TBC1D16: variants seen among roughly 807,000 people sequenced by gnomAD.
The protein encoded by TBC1D16 is TBC1 domain family member 16, also known as CTD-2529O21.1.
A neutral mutation model predicts 74.7 loss-of-function variants in TBC1D16; 58 were observed. The observed-to-expected ratio is 0.78, with a 90% CI of 0.63 to 0.97. The LOEUF (loss-of-function observed/expected upper bound fraction) is 0.97. TBC1D16 is among the 50% of genes least tolerant of loss of function. TBC1D16 has a pLI of 0.00. For missense variants in TBC1D16, 1,014 were observed against 1,079.5 expected (o/e 0.94, Z 0.85); for synonymous variants, 493 against 474.7 (o/e 1.04, Z -0.50).
rs1431027112 is a variant in TBC1D16, at chr17:79,986,506, G to A, written c.779+23654C>T. Among the ~76,000 whole-genome samples, 1 of 152,150 alleles carries A rather than the reference G, an allele frequency of 6.6e-6. No homozygotes were observed. Among genetic ancestry groups the A allele is most frequent in the Non-Finnish European group, 1.5e-5 (1 of 68,034 alleles). On this transcript the variant is annotated intron_variant, in intron 3 of 11. Coordinates refer to ENST00000310924, the MANE Select transcript of TBC1D16 (RefSeq NM_019020.4). This position sits in a 1 kb window ranked among gnomAD's most constrained non-coding sequence, Gnocchi z 6.0. ...CCCTCCCTGCAGAGCAACCACGTGA[G>A]GACTCCCTACCCCAGGACCTTCCAC...
chr17:79,982,838 G>A (rs565198665), intron 3 of TBC1D16, among the ~76,000 whole-genome samples: 241 of 152,242 alleles, frequency 1.6e-3, no homozygotes, highest in Non-Finnish European at 2.9e-3. Context: ...CAGCCTGGGC[G>A]ACAGAGCAAG....
intron 2 of TBC1D16, among the ~76,000 whole-genome samples, chr17:80,011,884 G>A (rs1435987864): frequency 6.6e-6 from 1 of 152,094 alleles, no homozygotes; most frequent in Non-Finnish European, 1.5e-5. Flanking sequence ...CCAATCATCA[G>A]TGGCACTCAT....
At chr17:80,025,347 CG>C (rs5822320) in intron 1 of TBC1D16, among the ~76,000 whole-genome samples, 146,774 of 149,332 alleles carry the variant, frequency 0.98, 72,274 homozygotes, top group Non-Finnish European at 0.99. Context: ...CAGGCGGATC[CG>C]GGGCCGCAGG....
At chr17:80,003,892 A>G (rs1443245582) in intron 3 of TBC1D16, among the ~76,000 whole-genome samples, 3 of 152,186 alleles carry the variant, frequency 2.0e-5, no homozygotes, top group African/African-American at 7.2e-5. Context: ...TCTAAAAAAT[A>G]AAATAAATGA....
rs2031464150 is a variant in TBC1D16 at position 79,934,571 on chromosome 17, C to T, written c.*6288G>A. 1.3e-5 allele frequency: 2 copies of T among 152,254 alleles called. No homozygotes were observed. The highest frequency in any genetic ancestry group is 1.3e-4 in the Admixed American group (2 of 15,290). 9.4% of individuals were successfully genotyped at this position (152,254 alleles called of 1,614,324 possible). A position where few individuals can be genotyped will look rare whatever the true frequency, so the allele number is the denominator to read the frequency against. The stretch of plus-strand genomic sequence containing the variant: ...GGACAAAGATTTCTTTAAACGGAGC[C>T]ACCAGCCATGCCTGGTAGTGGGTGC... On this transcript the variant is annotated 3_prime_UTR_variant, in exon 12 of 12. Transcript: ENST00000310924.
Position 80,009,279 on chromosome 17 carries a change from A to G in TBC1D16, c.779+881T>C, listed in dbSNP as rs963887100. 3.9e-5 allele frequency among the ~76,000 whole-genome samples: 6 copies of G among 152,190 alleles called. No individual in the cohort carries two copies. The highest frequency in any genetic ancestry group is 1.4e-4 in the African/African-American group (6 of 41,460). On this transcript the variant is annotated intron_variant, in intron 3 of 11. Transcript: ENST00000310924. This position sits in a 1 kb window ranked among gnomAD's most constrained non-coding sequence, Gnocchi z 5.4. The stretch of plus-strand genomic sequence containing the variant: ...CCATTATTTGCCCAGAAATCTAATG[A>G]GCGTAAGGACCACAGCCGGGGCATA...
chr17:79,983,234 G>A lies in TBC1D16; in HGVS notation c.779+26926C>T, dbSNP rs2034665351. 6.6e-6 allele frequency among the ~76,000 whole-genome samples: 1 copy of A among 152,214 alleles called. No homozygotes were observed. The highest frequency in any genetic ancestry group is 2.1e-4 in the South Asian group (1 of 4,832). The stretch of plus-strand genomic sequence containing the variant: ...GCAGCGCGGGAGGGGTTTATGGCAG[G>A]GCATGAATTGAGAATGGCAAGACAG... On this transcript the variant is annotated intron_variant, in intron 3 of 11. Transcript: ENST00000310924. The surrounding 1 kb of genome is among the most constrained non-coding windows in gnomAD (Gnocchi z 5.6).
chr17:80,013,611 TG>T lies in TBC1D16; in HGVS notation c.-62-3del. The T allele has an allele frequency of 2.1e-6, 3 of 1,425,696 alleles. No homozygotes were observed. The highest frequency in any genetic ancestry group is 9.3e-7 in the Non-Finnish European group (1 of 1,077,014). 88.3% of individuals were successfully genotyped at this position (1,425,696 alleles called of 1,614,324 possible). A position where few individuals can be genotyped will look rare whatever the true frequency, so the allele number is the denominator to read the frequency against. ...CGGGCAGGGCTCGTCAAGACCTGCC[TG>T]GGGGAGGAAGAGAGAGGAGATGGTC... On this transcript the variant is annotated splice_polypyrimidine_tract_variant and splice_region_variant and intron_variant, in intron 1 of 11. Coordinates refer to ENST00000310924, the MANE Select transcript of TBC1D16 (RefSeq NM_019020.4).
rs1021637928 is a variant in TBC1D16 at position 79,975,080 on chromosome 17, G to A, written c.780-22262C>T. Among the ~76,000 whole-genome samples, 3 of 152,226 alleles carry A rather than the reference G, an allele frequency of 2.0e-5. No individual in the cohort carries two copies. The highest frequency in any genetic ancestry group is 7.2e-5 in the African/African-American group (3 of 41,458). On this transcript the variant is annotated intron_variant, in intron 3 of 11. Coordinates refer to ENST00000310924, the MANE Select transcript of TBC1D16 (RefSeq NM_019020.4). The surrounding 1 kb of genome is among the most constrained non-coding windows in gnomAD (Gnocchi z 4.5). ...CCTCGCCATGCCGTCCCCACTGCCA[G>A]TGGGCGCAACGTTACTTGCAAGGCC...
intron 3 of TBC1D16, among the ~76,000 whole-genome samples, chr17:79,977,349 C>A (rs2034373126): frequency 6.6e-6 from 1 of 152,218 alleles, no homozygotes; most frequent in Admixed American, 6.5e-5. Context: ...CCGTGTGGAG[C>A]AGCAGCCTCC....
At position 80,000,727 on chromosome 17, in the gene TBC1D16, G is replaced by A. The variant is rs573441917; in HGVS notation, c.779+9433C>T. 3.9e-5 allele frequency among the ~76,000 whole-genome samples: 6 copies of A among 152,212 alleles called. No individual in the cohort carries two copies. Among genetic ancestry groups the A allele is most frequent in the East Asian group, 1.9e-4 (1 of 5,184 alleles). ...CCTCTGTGCAGAGCTTTACACGCAC[G>A]GCCTTCCTGAACCCCCACAATGCCC... is the stretch of plus-strand genomic sequence containing the variant. On this transcript the variant is annotated intron_variant, in intron 3 of 11. Coordinates refer to ENST00000310924, the MANE Select transcript of TBC1D16 (RefSeq NM_019020.4). The surrounding 1 kb of genome is among the most constrained non-coding windows in gnomAD (Gnocchi z 4.1).
rs1301497860 is a variant in TBC1D16 at position 79,944,085 on chromosome 17, C to T, written c.1908+823G>A. 20 of 1,535,908 alleles carry T rather than the reference C, an allele frequency of 1.3e-5. No individual in the cohort carries two copies. Among genetic ancestry groups the T allele is most frequent in the Non-Finnish European group, 1.6e-5 (18 of 1,146,886 alleles). On this transcript the variant is annotated intron_variant, in intron 10 of 11. Coordinates refer to ENST00000310924, the MANE Select transcript of TBC1D16 (RefSeq NM_019020.4). The surrounding 1 kb of genome is among the most constrained non-coding windows in gnomAD (Gnocchi z 7.7). Reference sequence around the variant, plus strand: ...TACCGGCACTCGGTGGCTTCAGACTCGCTTTCATCAGACATCAGCCCCCTG... The same window carrying T: ...TACCGGCACTCGGTGGCTTCAGACTTGCTTTCATCAGACATCAGCCCCCTG...
In TBC1D16 at chr17:80,000,088, A is replaced by G. The variant is rs1285257249; in HGVS notation, c.779+10072T>C. On this transcript the variant is annotated intron_variant, in intron 3 of 11. Coordinates refer to ENST00000310924, the MANE Select transcript of TBC1D16 (RefSeq NM_019020.4). This position sits in a 1 kb window ranked among gnomAD's most constrained non-coding sequence, Gnocchi z 4.1. ...TTTTAACCAGAGTCACTGCTCAGCC[A>G]TCACTTGTGCTGAAGGCTTGAGCTC... Among the ~76,000 whole-genome samples, 3 of 152,148 alleles carry G rather than the reference A, an allele frequency of 2.0e-5. No individual in the cohort carries two copies. The highest frequency in any genetic ancestry group is 7.2e-5 in the African/African-American group (3 of 41,418).
intron 3 of TBC1D16, chr17:79,991,809 C>T (rs994654208): frequency 6.6e-6 from 1 of 151,886 alleles, no homozygotes; most frequent in Non-Finnish European, 1.5e-5. Flanking sequence ...GCACCGGGAT[C>T]CCTCCCGGAG....
rs2036987972 is a variant in TBC1D16 at position 80,035,830 on chromosome 17, T to C, written c.-98A>G. 2 of 145,504 alleles carry C rather than the reference T, an allele frequency of 1.4e-5. No individual in the cohort carries two copies. Among genetic ancestry groups the C allele is most frequent in the African/African-American group, 5.0e-5 (2 of 40,342 alleles). 9.0% of individuals were successfully genotyped at this position (145,504 alleles called of 1,614,324 possible). ...CTGCGGGGGCCGGATTCGCGCCGGC[T>C]CCGAGAGCCGCCACCGTCGCCTCCG... On this transcript the variant is annotated 5_prime_UTR_variant, in exon 1 of 12. Coordinates refer to ENST00000310924, the MANE Select transcript of TBC1D16 (RefSeq NM_019020.4). The surrounding 1 kb of genome is among the most constrained non-coding windows in gnomAD (Gnocchi z 5.3).
At chr17:80,005,587 G>A (rs898969890) in intron 3 of TBC1D16, among the ~76,000 whole-genome samples, 1 of 152,216 alleles carries the variant, frequency 6.6e-6, no homozygotes, top group Non-Finnish European at 1.5e-5. Flanking sequence ...TGGGGTCTCA[G>A]GGCGGGGAGG....
At position 79,985,757 on chromosome 17, in the gene TBC1D16, C is replaced by G. The variant is rs1397415858; in HGVS notation, c.779+24403G>C. On this transcript the variant is annotated intron_variant, in intron 3 of 11. Coordinates refer to ENST00000310924, the MANE Select transcript of TBC1D16 (RefSeq NM_019020.4). The surrounding 1 kb of genome is among the most constrained non-coding windows in gnomAD (Gnocchi z 4.9). ...CCTCTCTAATTGCGCACACTCCCCC[C>G]TCGGCTGGGTCCTCGGGGATGCCCA... Among the ~76,000 whole-genome samples the G allele has an allele frequency of 2.0e-5, 3 of 152,242 alleles. No individual in the cohort carries two copies. The highest frequency in any genetic ancestry group is 1.9e-4 in the East Asian group (1 of 5,204).
intron 3 of TBC1D16, among the ~76,000 whole-genome samples, chr17:79,970,535 A>C (rs765226601): frequency 1.3e-5 from 2 of 152,216 alleles, no homozygotes; most frequent in Non-Finnish European, 2.9e-5. Context: ...TTGTTCTGCA[A>C]TAAAAAGTTC....
At position 80,010,578 on chromosome 17, in the gene TBC1D16, C is replaced by T. The variant is rs1360049202; in HGVS notation, c.361G>A (p.Ala121Thr). ...TCCGTCGGGGAGGGCTGGTGGGAGG[C>T]TCCTGAGCTCCGGGTGCGCCGGCCC... ...PRGRRTRSSGASHQPSPTELR... is the reference protein window; with the variant it reads ...PRGRRTRSSGTSHQPSPTELR... The change falls in exon 3 of 12, where the codon GCC (alanine) becomes ACC (threonine). Residue 121 changes from alanine to threonine, a missense_variant. Physicochemically the swap from Ala to Thr is moderately conservative, Grantham distance 58 (BLOSUM62 0). Transcript: ENST00000310924. The surrounding 1 kb of genome is among the most constrained non-coding windows in gnomAD (Gnocchi z 8.8). 4 of 1,594,276 alleles carry T rather than the reference C, an allele frequency of 2.5e-6. No homozygotes were observed. The Admixed American group carries it at 5.4e-5, about 22-fold the overall frequency.
Sources: gnomAD v4.1 joint callset for allele counts (sites outside exome capture counted in the v4.1 genomes callset) on GRCh38, gnomAD v4.1.1 for gene constraint, Gnocchi (gnomAD v3.1) non-coding constraint, MANE v1.5 for transcripts, NCBI Gene and HGNC (gene_info 2026-07-23, HGNC 2026-07-21) for gene names.